DNAH14: variants seen among roughly 807,000 people sequenced by gnomAD.
DNAH14 encodes dynein axonemal heavy chain 14, also known as axonemal beta dynein heavy chain 14.
A neutral mutation model predicts 520.9 loss-of-function variants in DNAH14; 478 were observed. That is an observed-to-expected ratio of 0.92 (90% CI 0.85 to 0.99). The LOEUF is 0.99. DNAH14 is among the 50% of genes least tolerant of loss of function. The pLI, the probability that DNAH14 is intolerant of heterozygous loss-of-function variation, is 0.00. For missense variants in DNAH14, 4,831 were observed against 5,234.5 expected, an observed-to-expected ratio of 0.92 and a Z score of 2.38; for synonymous variants, 1,581 against 1,757.2, an observed-to-expected ratio of 0.90 and a Z score of 2.51.
chr1:225,098,452 T>C (rs2075178593), intron 22 of DNAH14, among the ~76,000 whole-genome samples: 1 of 152,150 alleles, frequency 6.6e-6, no homozygotes, highest in African/African-American at 2.4e-5. Flanking sequence ...AGGAAAACAT[T>C]GGGTGTGTAT....
At chr1:225,338,920 T>A (rs898962433) in intron 68 of DNAH14, among the ~76,000 whole-genome samples, 1 of 152,182 alleles carries the variant, frequency 6.6e-6, no homozygotes. Context: ...CAAGCGGTGC[T>A]GACTCTTAAA....
At chr1:225,128,684 T>G (rs2078045143) in intron 27 of DNAH14, among the ~76,000 whole-genome samples, 1 of 152,038 alleles carries the variant, frequency 6.6e-6, no homozygotes, top group Non-Finnish European at 1.5e-5. Context: ...ATAAGAGCTA[T>G]CTATGACAAA....
chr1:225,212,902 CT>C (rs1284726015), intron 41 of DNAH14, among the ~76,000 whole-genome samples: 2 of 152,058 alleles, frequency 1.3e-5, no homozygotes, highest in African/African-American at 4.8e-5. Context: ...TGCAGAAGCT[CT>C]TTAGTTTAAT....
At chr1:225,136,467 G>A (rs569779013) in intron 27 of DNAH14, among the ~76,000 whole-genome samples, 5 of 152,270 alleles carry the variant, frequency 3.3e-5, no homozygotes, top group South Asian at 4.1e-4. Flanking sequence ...TCTTTAAGAA[G>A]TTGAATATTG....
rs1197927461 is a variant in DNAH14 at position 224,991,084 on chromosome 1, CT to C, written c.831-11671del. On this transcript the variant is annotated intron_variant, in intron 8 of 85. Coordinates refer to ENST00000682510, the MANE Select transcript of DNAH14 (RefSeq NM_001367479.1). ...TTCCCTAATGATTAGTGATGTTGAG[CT>C]TTTTTTTTTTTTTTTTTTTTTTTTT... 8.1e-3 allele frequency among the ~76,000 whole-genome samples: 627 copies of C among 77,866 alleles called. 12 individuals carry two copies. Among genetic ancestry groups the C allele is most frequent in the Middle Eastern group, 0.018 (2 of 114 alleles). 51.1% of individuals were successfully genotyped at this position (77,866 alleles called of 152,430 possible).
intron 43 of DNAH14, 86 bp from the exon 44 acceptor site, chr1:225,252,215 G>T (rs1392962293): frequency 1.3e-6 from 1 of 771,712 alleles, no homozygotes; most frequent in Non-Finnish European, 2.3e-6. Context: ...TCAACAATCA[G>T]ATCTTTCAGA....
In DNAH14 at chr1:224,967,701, G is replaced by A. The variant is rs371407749; in HGVS notation, c.651+118G>A. On this transcript the variant is annotated intron_variant, in intron 6 of 85. Transcript: ENST00000682510. The stretch of plus-strand genomic sequence containing the variant: ...TCAGAGATACTTGGTCATTTGTGGA[G>A]CAGTTTATATATAAGAATCTCCTTG... 3.2e-5 allele frequency: 51 copies of A among 1,595,890 alleles called. 1 individual carries two copies. Among genetic ancestry groups the A allele is most frequent in the African/African-American group, 5.4e-5 (4 of 74,004 alleles).
At chr1:225,022,543 A>G (rs193092893) in intron 10 of DNAH14, among the ~76,000 whole-genome samples, 14 of 152,296 alleles carry the variant, frequency 9.2e-5, no homozygotes, top group Non-Finnish European at 1.6e-4. Context: ...CAAAACCAAA[A>G]TGAGTTAACA....
chr1:225,087,943 A>G (rs905377297), intron 21 of DNAH14, among the ~76,000 whole-genome samples: 4 of 152,158 alleles, frequency 2.6e-5, no homozygotes, highest in Non-Finnish European at 5.9e-5. Flanking sequence ...AAAACCTCCT[A>G]ATTCATAAGC....
In DNAH14 at chr1:225,172,815, A is replaced by G. The variant is rs369768349; in HGVS notation, c.5535+4787A>G. On this transcript the variant is annotated intron_variant, in intron 36 of 85. Coordinates refer to ENST00000682510, the MANE Select transcript of DNAH14 (RefSeq NM_001367479.1). ...CGCATTGCCAAGTCAATCCTAAGCC[A>G]AAAGAACAAAGCTGGAGGCATCACA... Among the ~76,000 whole-genome samples, 43 of 152,360 alleles carry G rather than the reference A, an allele frequency of 2.8e-4. 1 individual carries two copies. In the East Asian group the frequency reaches 7.3e-3, roughly 26 times the overall value.
rs367725648 is a variant in DNAH14 at position 225,341,984 on chromosome 1, A to G, written c.10678+1283A>G. The stretch of plus-strand genomic sequence containing the variant: ...TTCTTTTTAAAAAATACAAATGCCC[A>G]GTGGGTACCGCCACAGACTTACTGA... On this transcript the variant is annotated intron_variant, in intron 69 of 85. Transcript: ENST00000682510. 2.6e-5 allele frequency among the ~76,000 whole-genome samples: 4 copies of G among 152,178 alleles called. No individual in the cohort carries two copies. In the East Asian group the frequency reaches 7.7e-4, roughly 29 times the overall value.
At chr1:224,987,408 GTTCA>G (rs1237296869) in intron 8 of DNAH14, among the ~76,000 whole-genome samples, 1 of 152,160 alleles carries the variant, frequency 6.6e-6, no homozygotes, top group Admixed American at 6.5e-5. Context: ...GCCTGTCTCA[GTTCA>G]TTTTGTATTG....
intron 8 of DNAH14, among the ~76,000 whole-genome samples, chr1:224,979,365 A>G (rs573956993): frequency 3.3e-5 from 5 of 152,286 alleles, no homozygotes; most frequent in African/African-American, 1.2e-4. Context: ...CATTGAACTC[A>G]GTGCTGCCCT....
chr1:225,013,866 C>T (rs530189966), intron 10 of DNAH14, among the ~76,000 whole-genome samples: 8 of 152,276 alleles, frequency 5.3e-5, no homozygotes, highest in African/African-American at 1.2e-4. Context: ...AGAATTTCAA[C>T]CCAGTGGATC....
At chr1:225,118,175 C>G in intron 25 of DNAH14, 176 bp downstream of exon 25, 1 of 642,026 alleles carries the variant, frequency 1.6e-6, no homozygotes, top group South Asian at 1.8e-5. Context: ...ATAATCTCAC[C>G]TTTGCTCTAA....
At chr1:225,137,643 A>G (rs1489915517) in intron 27 of DNAH14, among the ~76,000 whole-genome samples, 1 of 152,208 alleles carries the variant, frequency 6.6e-6, no homozygotes, top group Non-Finnish European at 1.5e-5. Flanking sequence ...GGCATGAACC[A>G]CTGCCTAGCC....
chr1:224,956,845 G>A (rs969749773), intron 3 of DNAH14, among the ~76,000 whole-genome samples: 10 of 151,994 alleles, frequency 6.6e-5, no homozygotes, highest in East Asian at 1.9e-4. Flanking sequence ...TTTGCAGGCT[G>A]GACAAAGCTT....
At chr1:224,978,438 T>C (rs1199450160) in intron 8 of DNAH14, among the ~76,000 whole-genome samples, 1 of 152,210 alleles carries the variant, frequency 6.6e-6, no homozygotes, top group East Asian at 1.9e-4. Flanking sequence ...CTCACTAATA[T>C]GTGGGAGCTA....
In DNAH14 at chr1:225,111,947, TC is replaced by T. The variant is rs2076513822; in HGVS notation, c.3868-5732del. Among the ~76,000 whole-genome samples, 6 of 152,224 alleles carry T rather than the reference TC, an allele frequency of 3.9e-5. No individual in the cohort carries two copies. In the South Asian group the frequency reaches 1.2e-3, roughly 32 times the overall value. Reference sequence around the variant, plus strand: ...ATAAAAACTCTGCAGTTTAACTTTGTCCCCCTTTTTAACTTTTTGGTTTTTT... The same window carrying T: ...ATAAAAACTCTGCAGTTTAACTTTGTCCCCTTTTTAACTTTTTGGTTTTTT... On this transcript the variant is annotated intron_variant, in intron 23 of 85. Transcript: ENST00000682510.
Sources: gnomAD v4.1 joint callset for allele counts (sites outside exome capture counted in the v4.1 genomes callset) on GRCh38, gnomAD v4.1.1 for gene constraint, MANE v1.5 for transcripts, NCBI Gene and HGNC (gene_info 2026-07-23, HGNC 2026-07-21) for gene names.